CHIA: variants seen among roughly 807,000 people sequenced by gnomAD.
CHIA encodes acidic mammalian chitinase.
A neutral mutation model predicts 53.5 loss-of-function variants in CHIA; 47 were observed. The ratio of observed to expected loss-of-function variants is 0.88; its 90% CI spans 0.70 to 1.12. The LOEUF is 1.12. Ranked by LOEUF, CHIA falls within the 50% of genes most tolerant of loss-of-function variation. CHIA has a pLI of 0.00. For missense variants in CHIA, 652 were observed against 592.2 expected, an observed-to-expected ratio of 1.10 and a Z score of -1.05; for synonymous variants, 268 against 222.2, an observed-to-expected ratio of 1.21 and a Z score of -1.83.
intron 1 of CHIA, among the ~76,000 whole-genome samples, chr1:111,309,082 T>C (rs968735753): frequency 2.0e-5 from 3 of 152,216 alleles, no homozygotes; most frequent in Admixed American, 1.3e-4. Context: ...CTGGGCTTAA[T>C]ATTTAGGTGA....
chr1:111,306,757 T>A (rs1648217281), intron 1 of CHIA, among the ~76,000 whole-genome samples: 1 of 152,114 alleles, frequency 6.6e-6, no homozygotes, highest in Non-Finnish European at 1.5e-5. Flanking sequence ...TTAATAAACT[T>A]GTGGGCAGCA....
In CHIA at chr1:111,319,415, G is replaced by A; in HGVS notation, c.1124G>A (p.Gly375Asp). 6.2e-7 allele frequency: 1 copy of A among 1,614,168 alleles called. No homozygotes were observed. Among genetic ancestry groups the A allele is most frequent in the Non-Finnish European group, 8.5e-7 (1 of 1,180,014 alleles). Residue 375 changes from glycine (G) to aspartate (D), a missense_variant, in exon 11 of 12, where the codon GGC becomes GAC. Gly to Asp is a moderately conservative substitution (Grantham distance 94). Coordinates refer to ENST00000369740, the MANE Select transcript of CHIA (RefSeq NM_201653.4). ...TTCACTGGCACTTTCTGCAACCAGG[G>A]CAAGTTTCCCCTAATCTCCACCCTG... ...DDFTGTFCNQ[G>D]KFPLISTLKK...
intron 6 of CHIA, 128 bp from the exon 7 acceptor site, chr1:111,317,552 TA>T (rs1649255554): frequency 9.7e-7 from 1 of 1,034,976 alleles, no homozygotes; most frequent in Non-Finnish European, 1.4e-6. Flanking sequence ...GTTGAGAGAC[TA>T]AAGTAAAATA....
chr1:111,298,681 G>C (rs545283985), intron 1 of CHIA, among the ~76,000 whole-genome samples: 5 of 152,250 alleles, frequency 3.3e-5, no homozygotes, highest in East Asian at 1.9e-4. Flanking sequence ...AAAAGAACTA[G>C]AGAAGCAAGA....
chr1:111,309,495 G>C (rs557275564), intron 1 of CHIA, among the ~76,000 whole-genome samples: 2 of 152,346 alleles, frequency 1.3e-5, no homozygotes, highest in Admixed American at 6.5e-5. Flanking sequence ...GAAAAGATCT[G>C]AGTTGGACTT....
intron 1 of CHIA, among the ~76,000 whole-genome samples, chr1:111,308,568 G>C (rs540904977): frequency 6.6e-6 from 1 of 152,180 alleles, no homozygotes; most frequent in East Asian, 1.9e-4. Context: ...TAGTCACTCA[G>C]CTTTACTTTT....
At chr1:111,319,545 A>C in intron 11 of CHIA, 77 bp downstream of exon 11, 24 of 1,382,932 alleles carry the variant, frequency 1.7e-5, no homozygotes, top group Non-Finnish European at 2.4e-5. Context: ...ATGTCTTCCC[A>C]CCTCCCCCTT....
chr1:111,301,705 C>CAAAAA (rs35562130), intron 1 of CHIA, among the ~76,000 whole-genome samples: 3 of 105,502 alleles, frequency 2.8e-5, no homozygotes, highest in African/African-American at 7.9e-5. Context: ...ACTCTCTCTC[C>CAAAAA]AAAAAAAAAA....
chr1:111,303,877 T>G (rs1300978545), intron 1 of CHIA, among the ~76,000 whole-genome samples: 1 of 152,196 alleles, frequency 6.6e-6, no homozygotes, highest in African/African-American at 2.4e-5. Context: ...TAGTGTCTGT[T>G]TATTTCATCC....
intron 9 of CHIA, 84 bp downstream of exon 9, chr1:111,318,762 A>C: frequency 7.0e-7 from 1 of 1,418,572 alleles, no homozygotes; most frequent in Non-Finnish European, 9.6e-7. Context: ...TTGAATGTTC[A>C]TTCTGTCTCC....
In CHIA at chr1:111,315,823, A is replaced by G. The variant is rs1030152645; in HGVS notation, c.480+388A>G. Reference sequence around the variant, plus strand: ...TCATAACTTCCTCTGCAGTTTGGCCACAGAGTCCATTGCTTCTAAGCATTA... The same window carrying G: ...TCATAACTTCCTCTGCAGTTTGGCCGCAGAGTCCATTGCTTCTAAGCATTA... On this transcript the variant is annotated intron_variant, in intron 6 of 11. Transcript: ENST00000369740. The G allele has an allele frequency of 1.3e-5, 6 of 457,310 alleles. No individual in the cohort carries two copies. The East Asian group carries it at 3.5e-4, about 26-fold the overall frequency. 28.3% of individuals were successfully genotyped at this position (457,310 alleles called of 1,614,324 possible). A position where few individuals can be genotyped will look rare whatever the true frequency, so the allele number is the denominator to read the frequency against.
intron 1 of CHIA, among the ~76,000 whole-genome samples, chr1:111,296,986 TC>T (rs1661378526): frequency 6.6e-6 from 1 of 152,066 alleles, no homozygotes; most frequent in South Asian, 2.1e-4. Context: ...TGATTGAAGA[TC>T]AAATTAATGA....
intron 1 of CHIA, among the ~76,000 whole-genome samples, chr1:111,309,759 G>A (rs1401806540): frequency 1.3e-5 from 2 of 152,198 alleles, no homozygotes; most frequent in Non-Finnish European, 2.9e-5. Context: ...TCTATGAAGA[G>A]ACTCATTTCA....
chr1:111,301,834 C>T (rs1328123228), intron 1 of CHIA, among the ~76,000 whole-genome samples: 1 of 151,572 alleles, frequency 6.6e-6, no homozygotes, highest in African/African-American at 2.4e-5. Context: ...TGTTCTTACT[C>T]ATAGGTGTAA....
chr1:111,318,444 C>T (rs1288877638), intron 8 of CHIA, 49 bp from the exon 9 acceptor site: 1 of 1,490,686 alleles, frequency 6.7e-7, no homozygotes, highest in East Asian at 2.3e-5. Flanking sequence ...TAACTAAGTA[C>T]TGGGTCCTCA....
At chr1:111,291,068 C>T in intron 1 of CHIA, 118 bp downstream of exon 1, 1 of 297,154 alleles carries the variant, frequency 3.4e-6, no homozygotes, top group East Asian at 1.1e-4. Context: ...ATTACATCTG[C>T]ATTGCCATTT....
intron 1 of CHIA, among the ~76,000 whole-genome samples, chr1:111,304,163 A>C (rs1028819643): frequency 2.6e-5 from 4 of 151,340 alleles, no homozygotes; most frequent in African/African-American, 9.7e-5. Flanking sequence ...TGATTTCAAG[A>C]CTCTCTTTGC....
At chr1:111,309,446 A>G (rs1207873181) in intron 1 of CHIA, among the ~76,000 whole-genome samples, 5 of 152,236 alleles carry the variant, frequency 3.3e-5, no homozygotes, top group African/African-American at 4.8e-5. Context: ...GTGCTAGAGT[A>G]CATAAAGTAA....
rs185674055 is a variant in CHIA at position 111,293,453 on chromosome 1, T to C, written c.-69+2503T>C. Among the ~76,000 whole-genome samples the C allele has an allele frequency of 2.4e-3, 372 of 152,156 alleles. 2 individuals carry two copies. The highest frequency in any genetic ancestry group is 8.2e-3 in the African/African-American group (343 of 41,594). Reference sequence around the variant, plus strand: ...TGTTTGGTTGTGTGTGTGTGTGTCATTGAATTTTAGAAGTTCTCTCTATAT... The same window carrying C: ...TGTTTGGTTGTGTGTGTGTGTGTCACTGAATTTTAGAAGTTCTCTCTATAT... On this transcript the variant is annotated intron_variant, in intron 1 of 11. Coordinates refer to ENST00000369740, the MANE Select transcript of CHIA (RefSeq NM_201653.4).
Sources: allele counts gnomAD v4.1 joint callset (sites outside exome capture counted in the v4.1 genomes callset), GRCh38; gene constraint gnomAD v4.1.1; transcripts MANE v1.5; gene names NCBI Gene and HGNC (gene_info 2026-07-23, HGNC 2026-07-21).